Variants in ITPR1 observed in about 807,000 individuals in gnomAD.
The protein encoded by ITPR1 is inositol 1,4,5-trisphosphate-gated calcium channel ITPR1.
In ITPR1, 96 loss-of-function variants were observed where a neutral mutation model predicts 318.4. That is an observed-to-expected ratio of 0.30 (90% confidence interval 0.26 to 0.36). The LOEUF (loss-of-function observed/expected upper bound fraction) is 0.36, where lower values mean the gene tolerates loss of function less well. Ranked by LOEUF, ITPR1 falls within the 10% of genes least tolerant of loss-of-function variation. The pLI, the probability that ITPR1 is intolerant of heterozygous loss-of-function variation, is 1.00. For missense variants in ITPR1, 2,440 were observed against 3,460.2 expected (o/e 0.71, Z 7.40); for synonymous variants, 1,312 against 1,289.9 (o/e 1.02, Z -0.37).
At chr3:4,747,581 C>T (rs933446351) in intron 44 of ITPR1, among the ~76,000 whole-genome samples, 5 of 152,118 alleles carry the variant, frequency 3.3e-5, no homozygotes, top group African/African-American at 4.8e-5. Flanking sequence ...GAAGGCAGCT[C>T]GAGTGGTCAG....
At chr3:4,699,723 T>C in intron 34 of ITPR1, 90 bp from the exon 35 acceptor site, 1 of 1,330,086 alleles carries the variant, frequency 7.5e-7, no homozygotes, top group Non-Finnish European at 1.1e-6. Context: ...CTTTCATTTG[T>C]TAAAAGTAAC....
chr3:4,575,613 A>T (rs944465118), intron 4 of ITPR1, among the ~76,000 whole-genome samples: 4 of 152,078 alleles, frequency 2.6e-5, no homozygotes, highest in Non-Finnish European at 5.9e-5. Context: ...AATATTTAAT[A>T]TTATTAAGAG....
intron 35 of ITPR1, among the ~76,000 whole-genome samples, chr3:4,700,409 G>A (rs949449875): frequency 6.6e-6 from 1 of 152,200 alleles, no homozygotes; most frequent in African/African-American, 2.4e-5. Context: ...GCACTGAGTT[G>A]CTAATTTGTT....
chr3:4,686,772 A>T (rs181774701), intron 30 of ITPR1, among the ~76,000 whole-genome samples: 36 of 152,350 alleles, frequency 2.4e-4, no homozygotes, highest in African/African-American at 7.2e-4. Flanking sequence ...GCTTCACACC[A>T]CAAGGGTTCT....
chr3:4,672,079 C>T (rs1283051110), intron 20 of ITPR1, among the ~76,000 whole-genome samples: 1 of 152,160 alleles, frequency 6.6e-6, no homozygotes, highest in Non-Finnish European at 1.5e-5. Context: ...ACATTTTCAT[C>T]GCTGTTTGAT....
At chr3:4,784,490 G>A (rs374680075) in intron 51 of ITPR1, among the ~76,000 whole-genome samples, 14 of 151,844 alleles carry the variant, frequency 9.2e-5, no homozygotes, top group African/African-American at 3.4e-4. Flanking sequence ...AGAAGTCTGG[G>A]CTGCATCCCC....
intron 61 of ITPR1, 48 bp from the exon 62 acceptor site, chr3:4,846,091 C>T (rs1003484549): frequency 2.5e-5 from 28 of 1,102,320 alleles, no homozygotes; most frequent in African/African-American, 1.1e-4. Flanking sequence ...TGCGATTTGA[C>T]GTACAGGAAG....
chr3:4,558,666 G>A (rs996357194), intron 4 of ITPR1, among the ~76,000 whole-genome samples: 4 of 152,250 alleles, frequency 2.6e-5, no homozygotes, highest in African/African-American at 9.6e-5. Context: ...TAATGACTAG[G>A]AAATAAAAGA....
rs187770947 is a variant in ITPR1 at position 4,511,813 on chromosome 3, G to A, written c.-16-4663G>A. Among the ~76,000 whole-genome samples, 160 of 152,274 alleles carry A rather than the reference G, an allele frequency of 1.1e-3. 1 individual carries two copies. Among genetic ancestry groups the A allele is most frequent in the Non-Finnish European group, 7.1e-4 (48 of 68,028 alleles). Reference sequence around the variant, plus strand: ...AGAGGTGCTTTTGAGGTCATTCTGCGTCAGGAATTGCGGGGAGGATGGTGA... The same window carrying A: ...AGAGGTGCTTTTGAGGTCATTCTGCATCAGGAATTGCGGGGAGGATGGTGA... On this transcript the variant is annotated intron_variant, in intron 2 of 61. Transcript: ENST00000649015.
At position 4,673,099 on chromosome 3, in the gene ITPR1, T is replaced by C. The variant is rs924845536; in HGVS notation, c.2205-37T>C. On this transcript the variant is annotated intron_variant, in intron 20 of 61. Transcript: ENST00000649015. Reference sequence around the variant, plus strand: ...CCCTTCATTCATCCTGAATGATTTCTGGAGCGTGAGCTGTGTGCCCTTGTT... The same window carrying C: ...CCCTTCATTCATCCTGAATGATTTCCGGAGCGTGAGCTGTGTGCCCTTGTT... 1.9e-6 allele frequency: 3 copies of C among 1,585,836 alleles called. No individual in the cohort carries two copies. In the African/African-American group the frequency reaches 4.0e-5, roughly 21 times the overall value.
chr3:4,507,033 G>T (rs907892192), intron 2 of ITPR1, among the ~76,000 whole-genome samples: 1 of 150,596 alleles, frequency 6.6e-6, no homozygotes, highest in Non-Finnish European at 1.5e-5. Flanking sequence ...ACACATTAAC[G>T]TATTGACATA....
chr3:4,579,949 G>A (rs1385480503), intron 4 of ITPR1, among the ~76,000 whole-genome samples: 1 of 152,130 alleles, frequency 6.6e-6, no homozygotes, highest in Non-Finnish European at 1.5e-5. Flanking sequence ...GGTGGCTCAC[G>A]CCTGTAATCC....
intron 4 of ITPR1, among the ~76,000 whole-genome samples, chr3:4,563,395 G>A (rs1469285776): frequency 6.6e-6 from 1 of 152,184 alleles, no homozygotes; most frequent in African/African-American, 2.4e-5. Flanking sequence ...TGTGGTCCCA[G>A]CTACTCAGGA....
chr3:4,647,817 TA>T (rs889837623), intron 10 of ITPR1, among the ~76,000 whole-genome samples: 4 of 152,300 alleles, frequency 2.6e-5, no homozygotes, highest in East Asian at 3.9e-4. Context: ...TTTGCCCATT[TA>T]AAAAAATTGT....
intron 2 of ITPR1, among the ~76,000 whole-genome samples, chr3:4,501,956 A>C (rs1198251948): frequency 1.3e-5 from 2 of 152,222 alleles, no homozygotes; most frequent in Non-Finnish European, 2.9e-5. Flanking sequence ...GAAGAAGATG[A>C]ACATAAGAAA....
rs561189811 is a variant in ITPR1 at position 4,795,278 on chromosome 3, C to G, written c.6931+91C>G. The G allele has an allele frequency of 1.9e-5, 24 of 1,286,610 alleles. No individual in the cohort carries two copies. The South Asian group carries it at 3.6e-4, about 19-fold the overall frequency. The allele number at this position is 1,286,610 out of a possible 1,614,324, so 79.7% of individuals were successfully genotyped here. A position where few individuals can be genotyped will look rare whatever the true frequency, so the allele number is the denominator to read the frequency against. ...GTTGTGGTTCCTGGATGTATTGGTG[C>G]AGTACTGGGGATCCCAGTTATCCAC... On this transcript the variant is annotated intron_variant, in intron 53 of 61. Transcript: ENST00000649015.
chr3:4,831,106 G>GTCTC (rs147851903), intron 60 of ITPR1: 15 of 395,708 alleles, frequency 3.8e-5, no homozygotes, highest in Middle Eastern at 7.5e-4. Flanking sequence ...GTCTGTCTTT[G>GTCTC]TCTCTCTCTC....
chr3:4,625,748 G>A lies in ITPR1; in HGVS notation c.164-2015G>A, dbSNP rs972865558. ...ATTTTTTGTATTTTTTAGTAGAGGC[G>A]GGGTTTCACCATGTTAGCCAGGATG... On this transcript the variant is annotated intron_variant, in intron 4 of 61. Coordinates refer to ENST00000649015, the MANE Select transcript of ITPR1 (RefSeq NM_001378452.1). 1.2e-4 allele frequency among the ~76,000 whole-genome samples: 18 copies of A among 151,996 alleles called. No homozygotes were observed. In the East Asian group the frequency reaches 1.5e-3, roughly 13 times the overall value.
intron 46 of ITPR1, among the ~76,000 whole-genome samples, chr3:4,774,285 C>T (rs745757232): frequency 5.1e-4 from 78 of 152,144 alleles, no homozygotes; most frequent in Non-Finnish European, 1.1e-3. Flanking sequence ...AATTGGTGCG[C>T]AATTAGGTTG....
Sources: gnomAD v4.1 joint callset for allele counts (sites outside exome capture counted in the v4.1 genomes callset) on GRCh38, gnomAD v4.1.1 for gene constraint, MANE v1.5 for transcripts, NCBI Gene and HGNC (gene_info 2026-07-23, HGNC 2026-07-21) for gene names.